The following PCDH19 variants were observed in gnomAD, a reference collection of about 807,000 sequenced individuals.
The protein encoded by PCDH19 is protocadherin 19.
In PCDH19, 6 loss-of-function variants were observed where a neutral mutation model predicts 46.2. The observed-to-expected ratio is 0.13, with a 90% CI of 0.07 to 0.26. The LOEUF is 0.26. PCDH19 is among the 10% of genes least tolerant of loss of function. The pLI, the probability that PCDH19 is intolerant of heterozygous loss-of-function variation, is 1.00. For missense variants in PCDH19, 740 were observed against 972.3 expected, an observed-to-expected ratio of 0.76 and a Z score of 3.18; for synonymous variants, 481 against 415.7, an observed-to-expected ratio of 1.16 and a Z score of -1.91.
chrX:100,402,382 C>T, intron 3 of PCDH19, 142 bp downstream of exon 3: 1 of 546,886 alleles, frequency 1.8e-6, no homozygotes, highest in Admixed American at 2.8e-5. Context: ...ATAGCAAACC[C>T]TTAGTATGAA....
At chrX:100,339,529 A>G (rs1226760062) in intron 5 of PCDH19, among the ~76,000 whole-genome samples, 6 of 112,480 alleles carry the variant, frequency 5.3e-5, no homozygotes, top group African/African-American at 1.9e-4. Flanking sequence ...TTATTATGCA[A>G]ATGCAGACTT....
chrX:100,400,371 C>T (rs1358383725), intron 3 of PCDH19, among the ~76,000 whole-genome samples: 1 of 112,323 alleles, frequency 8.9e-6, no homozygotes, highest in Non-Finnish European at 1.9e-5. Context: ...TACTACACTA[C>T]ACAAGTCATA....
chrX:100,340,243 T>C (rs746178031), intron 5 of PCDH19, among the ~76,000 whole-genome samples: 1 of 112,093 alleles, frequency 8.9e-6, no homozygotes, highest in African/African-American at 3.2e-5. Flanking sequence ...TACATCCAAT[T>C]TGTAAGAAAC....
intron 5 of PCDH19, among the ~76,000 whole-genome samples, chrX:100,319,046 G>T (rs34919703): frequency 0.03 from 3,277 of 111,056 alleles, 55 homozygotes; most frequent in Non-Finnish European, 0.043. Flanking sequence ...ACCTCAGAAA[G>T]GAAATATTGA....
rs185446895 is a variant in PCDH19, at chrX:100,322,998, C to T, written c.2848+18905G>A. Among the ~76,000 whole-genome samples, 44 of 106,574 alleles carry T rather than the reference C, an allele frequency of 4.1e-4. 1 individual carries two copies. Among genetic ancestry groups the T allele is most frequent in the African/African-American group, 1.5e-3 (43 of 28,751 alleles). 92.5% of individuals were successfully genotyped at this position (106,574 alleles called of 115,157 possible). On this transcript the variant is annotated intron_variant, in intron 5 of 5. Transcript: ENST00000373034. ...GAAACTTTGCTGAATTGAAAGAAAACGTTCTTAAATATCAACATGAGCAAG... is the reference window on the plus strand; with the variant it reads ...GAAACTTTGCTGAATTGAAAGAAAATGTTCTTAAATATCAACATGAGCAAG...
rs766161420 is a variant in PCDH19 at position 100,407,333 on chromosome X, G to A, written c.1265C>T (p.Thr422Ile). ...CACGCCGCCGTCGCGTGCCTGAATT[G>A]TGAGGTTGTATTGGTCGTGCTGCTC... ...DREQHDQYNLTIQARDGGVPM... is the reference protein window; with the variant it reads ...DREQHDQYNLIIQARDGGVPM... Residue 422 changes from threonine (T) to isoleucine (I), a missense_variant, in exon 1 of 6, where the codon ACA becomes ATA. By Grantham distance (89) the Thr-to-Ile change is moderately conservative. This residue lies in a region of PCDH19 where 186 missense variants were observed against 319.9 expected (regional missense o/e 0.58). Coordinates refer to ENST00000373034, the MANE Select transcript of PCDH19 (RefSeq NM_001184880.2). The A allele has an allele frequency of 1.7e-6, 2 of 1,211,243 alleles. No homozygotes were observed. The highest frequency in any genetic ancestry group is 5.9e-5 in the East Asian group (2 of 33,764).
In PCDH19 at chrX:100,341,911, G is replaced by A; in HGVS notation, c.2840C>T (p.Pro947Leu). The part of the protein sequence containing the change: ...TSVTSMGSQM[P>L]DHDQNEGFHC... ...ATCCAACCAGTCCTTACCATGATCA[G>A]GCATCTGAGATCCCATGGAGGTCAC... Residue 947 changes from proline to leucine, a missense_variant, in exon 5 of 6, where the codon CCT becomes CTT. Coordinates refer to ENST00000373034, the MANE Select transcript of PCDH19 (RefSeq NM_001184880.2). The A allele has an allele frequency of 8.3e-7, 1 of 1,209,016 alleles. No individual in the cohort carries two copies. Among genetic ancestry groups the A allele is most frequent in the Non-Finnish European group, 1.1e-6 (1 of 893,102 alleles).
At chrX:100,376,235 C>CAAAAAAAAAAAA (rs1171817638) in intron 3 of PCDH19, among the ~76,000 whole-genome samples, 1 of 32,935 alleles carries the variant, frequency 3.0e-5, no homozygotes, top group Non-Finnish European at 5.6e-5. Flanking sequence ...AACTCCGTCT[C>CAAAAAAAAAAAA]AAAAAAAAAA....
At position 100,293,086 on chromosome X, in the gene PCDH19, A is replaced by C. The variant is rs1483514255; in HGVS notation, c.*3191T>G. On this transcript the variant is annotated 3_prime_UTR_variant, in exon 6 of 6. Transcript: ENST00000373034. ...AGGGCTACAGGGAAAAGTCAGCTAA[A>C]CTCCCTTCATAAAATCAGTCAGTCA... 9.0e-6 allele frequency: 1 copy of C among 111,554 alleles called. No individual in the cohort carries two copies. The highest frequency in any genetic ancestry group is 1.9e-5 in the Non-Finnish European group (1 of 53,096). The allele number at this position is 111,554 out of a possible 1,213,427, so 9.2% of individuals were successfully genotyped here.
chrX:100,294,626 C>A lies in PCDH19; in HGVS notation c.*1651G>T, dbSNP rs1041422563. 2 of 111,545 alleles carry A rather than the reference C, an allele frequency of 1.8e-5. No individual in the cohort carries two copies. Among genetic ancestry groups the A allele is most frequent in the Non-Finnish European group, 3.8e-5 (2 of 53,102 alleles). The allele number at this position is 111,545 out of a possible 1,213,427, so 9.2% of individuals were successfully genotyped here. Reference sequence around the variant, plus strand: ...CCTCTAGGCCTTCTCTCTGTGTATTCCTGAATTTCAAAAAATGAAACAAAT... The same window carrying A: ...CCTCTAGGCCTTCTCTCTGTGTATTACTGAATTTCAAAAAATGAAACAAAT... On this transcript the variant is annotated 3_prime_UTR_variant, in exon 6 of 6. Coordinates refer to ENST00000373034, the MANE Select transcript of PCDH19 (RefSeq NM_001184880.2).
At chrX:100,366,491 C>A (rs754144316) in intron 3 of PCDH19, among the ~76,000 whole-genome samples, 2 of 111,810 alleles carry the variant, frequency 1.8e-5, no homozygotes, top group East Asian at 5.7e-4. Flanking sequence ...TAAAAGCATC[C>A]ATCTCAGGCT....
Position 100,408,640 on chromosome X carries a change from C to A in PCDH19, c.-43G>T. The A allele has an allele frequency of 5.7e-6, 6 of 1,043,933 alleles. No individual in the cohort carries two copies. The highest frequency in any genetic ancestry group is 7.8e-6 in the Non-Finnish European group (6 of 772,474). 86.0% of individuals were successfully genotyped at this position (1,043,933 alleles called of 1,213,427 possible). A position where few individuals can be genotyped will look rare whatever the true frequency, so the allele number is the denominator to read the frequency against. On this transcript the variant is annotated 5_prime_UTR_variant, in exon 1 of 6. Coordinates refer to ENST00000373034, the MANE Select transcript of PCDH19 (RefSeq NM_001184880.2). ...CCTGGCCTCGCCTCTCCACACCCCT[C>A]CGAGACCGACGCCGTCGGCGCTCCA...
At chrX:100,313,997 A>T (rs766695453) in intron 5 of PCDH19, among the ~76,000 whole-genome samples, 1 of 111,296 alleles carries the variant, frequency 9.0e-6, no homozygotes, top group Non-Finnish European at 1.9e-5. Context: ...GAATGGTTTT[A>T]TTCTCCTGGG....
At chrX:100,388,637 T>C (rs1457737789) in intron 3 of PCDH19, among the ~76,000 whole-genome samples, 1 of 111,216 alleles carries the variant, frequency 9.0e-6, no homozygotes, top group East Asian at 2.8e-4. Context: ...GGGCTTTTAA[T>C]GTGTATTGCC....
At chrX:100,390,451 G>A (rs1351948657) in intron 3 of PCDH19, among the ~76,000 whole-genome samples, 2 of 111,514 alleles carry the variant, frequency 1.8e-5, no homozygotes, top group East Asian at 5.6e-4. Context: ...AAAAGAAACT[G>A]CATAGAGTTG....
At chrX:100,348,065 CAAAAAAAAAAAA>C (rs1177957771) in intron 4 of PCDH19, among the ~76,000 whole-genome samples, 5 of 40,612 alleles carry the variant, frequency 1.2e-4, no homozygotes, top group African/African-American at 5.7e-4. Flanking sequence ...GATTCCGTCT[CAAAAAAAAAAAA>C]AAAAAAAAAG....
At chrX:100,350,283 A>G (rs1160168609) in intron 4 of PCDH19, among the ~76,000 whole-genome samples, 1 of 112,006 alleles carries the variant, frequency 8.9e-6, no homozygotes, top group East Asian at 2.8e-4. Context: ...CATTAGAAAT[A>G]TTAGAAATAA....
intron 3 of PCDH19, among the ~76,000 whole-genome samples, chrX:100,365,220 T>C (rs1425577750): frequency 9.0e-6 from 1 of 111,545 alleles, no homozygotes; most frequent in African/African-American, 3.3e-5. Context: ...CTTTCCCCTT[T>C]TAACAGATGG....
chrX:100,393,537 A>G (rs866953979), intron 3 of PCDH19, among the ~76,000 whole-genome samples: 1 of 57,494 alleles, frequency 1.7e-5, no homozygotes, highest in South Asian at 1.1e-3. Context: ...CACACACACA[A>G]ACTCCCCTAA....
Sources: allele counts gnomAD v4.1 joint callset (sites outside exome capture counted in the v4.1 genomes callset), GRCh38; gene constraint gnomAD v4.1.1; regional missense constraint gnomAD v4.1.1; transcripts MANE v1.5; gene names NCBI Gene and HGNC (gene_info 2026-07-23, HGNC 2026-07-21).